DGKB: variants seen among roughly 807,000 people sequenced by gnomAD.
DGKB encodes 90 kDa diacylglycerol kinase.
DGKB carries 67 observed loss-of-function variants against 114.3 expected under a neutral mutation model. That is an observed-to-expected ratio of 0.59 (90% confidence interval 0.48 to 0.72). DGKB has a LOEUF of 0.72. Among genes scored for constraint, DGKB ranks in the 30% least tolerant of loss-of-function variants. The pLI, the probability that DGKB is intolerant of heterozygous loss-of-function variation, is 0.00. For synonymous variants in DGKB, 398 were observed against 323.1 expected, an observed-to-expected ratio of 1.23 and a Z score of -2.49; for missense variants, 907 against 975.2, an observed-to-expected ratio of 0.93 and a Z score of 0.93.
chr7:14,804,968 T>C, intron 2 of DGKB, among the ~76,000 whole-genome samples: 1 of 152,108 alleles, frequency 6.6e-6, no homozygotes, highest in East Asian at 1.9e-4. Context: ...TAATTATTAA[T>C]TCTGGTCTTA....
chr7:14,647,315 TA>T (rs992316044), intron 13 of DGKB, among the ~76,000 whole-genome samples: 1 of 151,794 alleles, frequency 6.6e-6, no homozygotes, highest in African/African-American at 2.4e-5. Flanking sequence ...GAATCAGAAA[TA>T]AAAAGTCTCC....
chr7:14,762,205 C>G (rs1186709461), intron 2 of DGKB, among the ~76,000 whole-genome samples: 1 of 152,044 alleles, frequency 6.6e-6, no homozygotes, highest in Non-Finnish European at 1.5e-5. Flanking sequence ...TTTTATTAAG[C>G]AAACATTCTT....
rs187505483 is a variant in DGKB at position 14,582,184 on chromosome 7, G to A, written c.1519+868C>T. On this transcript the variant is annotated intron_variant, in intron 18 of 25. Transcript: ENST00000402815. ...TTTTAAACAAAGAATTGATCAATGCGGTAACTGAAATGAGACCAAAAAGAG... is the reference window on the plus strand; with the variant it reads ...TTTTAAACAAAGAATTGATCAATGCAGTAACTGAAATGAGACCAAAAAGAG... Among the ~76,000 whole-genome samples, 14 of 152,152 alleles carry A rather than the reference G, an allele frequency of 9.2e-5. 1 individual carries two copies. In the South Asian group the frequency reaches 1.2e-3, roughly 14 times the overall value.
chr7:14,612,475 T>C (rs1050228516), intron 16 of DGKB, among the ~76,000 whole-genome samples: 2 of 152,092 alleles, frequency 1.3e-5, no homozygotes, highest in African/African-American at 4.8e-5. Flanking sequence ...AAAAATGTTT[T>C]GTTGATTCAA....
At chr7:14,478,273 T>A (rs1782488627) in intron 20 of DGKB, 48 bp from the exon 21 acceptor site, 2 of 1,124,972 alleles carry the variant, frequency 1.8e-6, no homozygotes, top group Non-Finnish European at 2.5e-6. Context: ...TATGATCCTA[T>A]TATTTTATGA....
At position 14,963,093 on chromosome 7, in the gene DGKB, C is replaced by T. The variant is rs569778247; in HGVS notation, c.-188+11603G>A. 1.4e-3 allele frequency among the ~76,000 whole-genome samples: 208 copies of T among 152,166 alleles called. 2 individuals are homozygous for T. The highest frequency in any genetic ancestry group is 4.8e-3 in the African/African-American group (200 of 41,510). The stretch of plus-strand genomic sequence containing the variant: ...TGACCAGACAGTTTTCAGGCTCTCC[C>T]CTCTTAGATTTCCATTCCAAAATAA... On this transcript the variant is annotated intron_variant, in intron 1 of 4. Coordinates refer to the DGKB transcript ENST00000437998.
At chr7:14,972,548 A>T (rs1288072494) in intron 1 of DGKB, among the ~76,000 whole-genome samples, 4 of 152,114 alleles carry the variant, frequency 2.6e-5, no homozygotes, top group Admixed American at 2.6e-4. Flanking sequence ...TGAAGGAGTA[A>T]TCATCACATT....
rs1374579348 is a variant in DGKB, at chr7:14,146,669, C to T, written c.*2462G>A. 6.6e-6 allele frequency: 1 copy of T among 152,082 alleles called. No homozygotes were observed. The highest frequency in any genetic ancestry group is 1.5e-5 in the Non-Finnish European group (1 of 67,990). The allele number at this position is 152,082 out of a possible 1,614,324, so 9.4% of individuals were successfully genotyped here. On this transcript the variant is annotated 3_prime_UTR_variant, in exon 26 of 26. Transcript: ENST00000402815. ...CTTTCCAAACCCCAGGGGCAGTATA[C>T]TTGAAGGGGCAAGTACATCAGTGTA...
At chr7:14,154,617 A>G (rs998867721) in intron 25 of DGKB, among the ~76,000 whole-genome samples, 1 of 152,042 alleles carries the variant, frequency 6.6e-6, no homozygotes, top group Non-Finnish European at 1.5e-5. Context: ...TAAATACAGT[A>G]ATGTAAGAGT....
chr7:14,185,199 A>T (rs934433941), intron 23 of DGKB, among the ~76,000 whole-genome samples: 2 of 152,204 alleles, frequency 1.3e-5, no homozygotes, highest in Non-Finnish European at 2.9e-5. Context: ...AATGTACACA[A>T]ATCAGTAGCT....
At chr7:14,713,559 A>T (rs952310787) in intron 6 of DGKB, among the ~76,000 whole-genome samples, 1 of 152,010 alleles carries the variant, frequency 6.6e-6, no homozygotes, top group Admixed American at 6.6e-5. Flanking sequence ...AGCCCTATAA[A>T]GTAGCTCAGA....
intron 17 of DGKB, among the ~76,000 whole-genome samples, chr7:14,592,452 A>T (rs1460691240): frequency 6.6e-6 from 1 of 151,992 alleles, no homozygotes; most frequent in Non-Finnish European, 1.5e-5. Flanking sequence ...ACACAGTTAC[A>T]TACTATATTA....
At chr7:14,173,151 T>C (rs2128239603) in intron 25 of DGKB, among the ~76,000 whole-genome samples, 1 of 152,296 alleles carries the variant, frequency 6.6e-6, no homozygotes, top group African/African-American at 2.4e-5. Context: ...ACTTAAAAAT[T>C]TATGTTGATG....
chr7:14,938,572 T>A (rs1457151587), intron 1 of DGKB, among the ~76,000 whole-genome samples: 1 of 152,130 alleles, frequency 6.6e-6, no homozygotes, highest in African/African-American at 2.4e-5. Flanking sequence ...AAAATCACTA[T>A]TCAAAATCTA....
At chr7:14,488,837 A>C (rs1015944692) in intron 20 of DGKB, among the ~76,000 whole-genome samples, 1 of 96,530 alleles carries the variant, frequency 1.0e-5, no homozygotes, top group Admixed American at 1.0e-4. Context: ...GTCTCCAAAA[A>C]AAAACAAAAA....
At chr7:14,528,757 T>C (rs1197792465) in intron 20 of DGKB, among the ~76,000 whole-genome samples, 2 of 152,104 alleles carry the variant, frequency 1.3e-5, no homozygotes, top group East Asian at 3.9e-4. Flanking sequence ...ATGGGATATA[T>C]CTTTCGCAAG....
chr7:14,662,051 G>A (rs998994623), intron 13 of DGKB, among the ~76,000 whole-genome samples: 12 of 152,106 alleles, frequency 7.9e-5, no homozygotes, highest in East Asian at 1.9e-4. Flanking sequence ...TCTGGGGCCC[G>A]TTGTGGGGTG....
chr7:14,485,084 GACACACACACACCACACAC>G (rs1276460182), intron 20 of DGKB, among the ~76,000 whole-genome samples: 5 of 114,880 alleles, frequency 4.4e-5, no homozygotes, highest in Non-Finnish European at 8.6e-5. Context: ...ATTACTGAAA[GACACACACACACCACACAC>G]ACACACACAC....
At chr7:14,159,460 T>C (rs1783531142) in intron 25 of DGKB, among the ~76,000 whole-genome samples, 1 of 152,200 alleles carries the variant, frequency 6.6e-6, no homozygotes, top group Non-Finnish European at 1.5e-5. Flanking sequence ...TCATGAACTT[T>C]CCTTCACAGA....
Sources: allele counts gnomAD v4.1 joint callset (sites outside exome capture counted in the v4.1 genomes callset), GRCh38; gene constraint gnomAD v4.1.1; transcripts MANE v1.5; gene names NCBI Gene and HGNC (gene_info 2026-07-23, HGNC 2026-07-21).